The following LRP1B variants were observed in gnomAD, a reference collection of about 807,000 sequenced individuals.
The protein encoded by LRP1B is LDL receptor related protein 1B, also known as low-density lipoprotein receptor-related protein 1B.
A neutral mutation model predicts 556.6 loss-of-function variants in LRP1B; 217 were observed. The observed-to-expected ratio is 0.39, with a 90% CI of 0.35 to 0.44. The LOEUF is 0.44. Ranked by LOEUF, LRP1B falls within the 20% of genes least tolerant of loss-of-function variation. LRP1B has a pLI of 1.00. For synonymous variants in LRP1B, 2,047 were observed against 1,865.8 expected (o/e 1.10, Z -2.50); for missense variants, 5,053 against 5,620.8 (o/e 0.90, Z 3.23).
intron 18 of LRP1B, among the ~76,000 whole-genome samples, chr2:140,980,341 A>G (rs1252559314): frequency 2.6e-5 from 4 of 152,168 alleles, no homozygotes; most frequent in African/African-American, 9.6e-5. Flanking sequence ...ACTAAGCAGC[A>G]GACACAGCCA....
intron 12 of LRP1B, among the ~76,000 whole-genome samples, chr2:141,018,884 T>C (rs150924285): frequency 2.3e-3 from 357 of 152,196 alleles, no homozygotes; most frequent in Non-Finnish European, 4.2e-3. Flanking sequence ...GAGCTACTCT[T>C]AACACAAACA....
intron 83 of LRP1B, among the ~76,000 whole-genome samples, chr2:140,306,536 TTCTC>T (rs1684074599): frequency 2.0e-5 from 3 of 152,232 alleles, no homozygotes; most frequent in African/African-American, 4.8e-5. Context: ...TATTTGATTC[TTCTC>T]TCTTTCTATC....
chr2:140,246,377 T>G (rs1363669095), intron 87 of LRP1B, among the ~76,000 whole-genome samples: 1 of 151,452 alleles, frequency 6.6e-6, no homozygotes, highest in Non-Finnish European at 1.5e-5. Flanking sequence ...TGACAACATG[T>G]GTGAACTGGC....
intron 2 of LRP1B, among the ~76,000 whole-genome samples, chr2:141,801,494 C>A (rs192689674): frequency 6.6e-6 from 1 of 151,994 alleles, no homozygotes; most frequent in African/African-American, 2.4e-5. Context: ...CAAAGATAGC[C>A]GTTATTTGCA....
intron 1 of LRP1B, among the ~76,000 whole-genome samples, chr2:141,856,845 T>C (rs1346023521): frequency 1.3e-5 from 2 of 152,078 alleles, no homozygotes; most frequent in Admixed American, 1.3e-4. Context: ...GAACTTGGCA[T>C]TTTATTCAAG....
intron 20 of LRP1B, among the ~76,000 whole-genome samples, chr2:140,934,972 C>A (rs1177553615): frequency 6.6e-6 from 1 of 152,086 alleles, no homozygotes; most frequent in African/African-American, 2.4e-5. Flanking sequence ...CTAAGAAAGA[C>A]CTGAAAAGAC....
chr2:141,180,991 T>A (rs1211861644), intron 7 of LRP1B, among the ~76,000 whole-genome samples: 1 of 151,978 alleles, frequency 6.6e-6, no homozygotes, highest in African/African-American at 2.4e-5. Context: ...AGACCATAAC[T>A]GATTTTTCTT....
rs141834514 is a variant in LRP1B at position 140,791,544 on chromosome 2, T to C, written c.5360-15306A>G. ...AATGTGAATATTAATGAATATGATG[T>C]TATTTTGTCCTGATAGAATGGCAAT... is the stretch of plus-strand genomic sequence containing the variant. On this transcript the variant is annotated intron_variant, in intron 32 of 90. Coordinates refer to ENST00000389484, the MANE Select transcript of LRP1B (RefSeq NM_018557.3). Among the ~76,000 whole-genome samples the C allele has an allele frequency of 4.1e-3, 629 of 152,328 alleles. 2 individuals are homozygous for C. The highest frequency in any genetic ancestry group is 0.01 in the Middle Eastern group (3 of 294).
intron 40 of LRP1B, among the ~76,000 whole-genome samples, chr2:140,701,444 T>G (rs1164747539): frequency 6.6e-6 from 1 of 152,078 alleles, no homozygotes; most frequent in Non-Finnish European, 1.5e-5. Context: ...ATGTTTCAAG[T>G]TTTTCTATAT....
intron 32 of LRP1B, among the ~76,000 whole-genome samples, chr2:140,779,151 AAAG>A (rs1424917033): frequency 6.6e-6 from 1 of 152,052 alleles, no homozygotes; most frequent in Non-Finnish European, 1.5e-5. Flanking sequence ...TCACCAGCAA[AAAG>A]AATAGAAAAA....
At chr2:140,301,869 T>A (rs1683842492) in intron 83 of LRP1B, among the ~76,000 whole-genome samples, 1 of 151,740 alleles carries the variant, frequency 6.6e-6, no homozygotes, top group African/African-American at 2.4e-5. Context: ...ATATATGCAA[T>A]AGTGTGCATG....
chr2:141,094,382 G>C (rs1380036413), intron 7 of LRP1B, among the ~76,000 whole-genome samples: 6 of 151,984 alleles, frequency 3.9e-5, no homozygotes, highest in Non-Finnish European at 5.9e-5. Context: ...TAAATAAAAT[G>C]TTTAAACTTT....
At chr2:141,647,093 G>T (rs1477672014) in intron 2 of LRP1B, among the ~76,000 whole-genome samples, 1 of 152,142 alleles carries the variant, frequency 6.6e-6, no homozygotes, top group Non-Finnish European at 1.5e-5. Flanking sequence ...GGGGAAGAAG[G>T]TCCTGAGTAG....
At chr2:140,410,795 A>G (rs1684940593) in intron 66 of LRP1B, among the ~76,000 whole-genome samples, 2 of 152,152 alleles carry the variant, frequency 1.3e-5, no homozygotes, top group Non-Finnish European at 2.9e-5. Context: ...AGGTTTTAGA[A>G]AGAAAAGAAT....
chr2:141,750,766 G>T (rs947578106), intron 2 of LRP1B, among the ~76,000 whole-genome samples: 1 of 151,940 alleles, frequency 6.6e-6, no homozygotes. Flanking sequence ...GGAATTTTAG[G>T]ATTCTCCTTT....
intron 32 of LRP1B, among the ~76,000 whole-genome samples, chr2:140,802,526 A>C (rs1365445435): frequency 1.3e-5 from 2 of 152,204 alleles, no homozygotes; most frequent in African/African-American, 4.8e-5. Context: ...TCACCACTTC[A>C]GAAAAATCAA....
chr2:140,904,522 T>C (rs1694192201), intron 22 of LRP1B, among the ~76,000 whole-genome samples: 1 of 152,180 alleles, frequency 6.6e-6, no homozygotes, highest in Non-Finnish European at 1.5e-5. Flanking sequence ...AATGTAAGGC[T>C]TTTAAAAACA....
chr2:141,550,226 T>C (rs1685699902), intron 2 of LRP1B, among the ~76,000 whole-genome samples: 1 of 152,206 alleles, frequency 6.6e-6, no homozygotes, highest in East Asian at 1.9e-4. Flanking sequence ...TTTACAACTT[T>C]TTTCAATAGC....
intron 17 of LRP1B, among the ~76,000 whole-genome samples, chr2:140,987,930 G>A (rs1696975407): frequency 1.3e-5 from 2 of 152,054 alleles, no homozygotes; most frequent in African/African-American, 4.8e-5. Context: ...GTTGCAGTGA[G>A]CTGAGATCAT....
Sources: allele counts gnomAD v4.1 joint callset (sites outside exome capture counted in the v4.1 genomes callset), GRCh38; gene constraint gnomAD v4.1.1; transcripts MANE v1.5; gene names NCBI Gene and HGNC (gene_info 2026-07-23, HGNC 2026-07-21).